Variants in OGDH observed in about 807,000 individuals in gnomAD.
The protein encoded by OGDH is oxoglutarate dehydrogenase, also known as 2-oxoglutarate dehydrogenase complex component E1.
OGDH carries 38 observed loss-of-function variants against 116.6 expected under a neutral mutation model. The ratio of observed to expected loss-of-function variants is 0.33; its 90% CI spans 0.25 to 0.43. The LOEUF (loss-of-function observed/expected upper bound fraction) is 0.43. OGDH is among the 20% of genes least tolerant of loss of function. The probability of loss-of-function intolerance (pLI) is 1.00; values close to 1 mark genes in which losing one functional copy is unlikely to be tolerated. For missense variants in OGDH, 825 were observed against 1,357.2 expected (o/e 0.61, Z 6.16); for synonymous variants, 488 against 533.3 (o/e 0.92, Z 1.17).
At chr7:44,668,998 A>G (rs1185226801) in intron 5 of OGDH, among the ~76,000 whole-genome samples, 1 of 152,020 alleles carries the variant, frequency 6.6e-6, no homozygotes, top group African/African-American at 2.4e-5. Flanking sequence ...CCTACCCCCA[A>G]GTTATTTCAC....
chr7:44,672,914 T>C (rs1787531154), intron 5 of OGDH, among the ~76,000 whole-genome samples: 3 of 152,100 alleles, frequency 2.0e-5, no homozygotes, highest in African/African-American at 7.2e-5. Context: ...GTGCTGGGAT[T>C]ACAGGCGTGA....
chr7:44,669,477 C>T (rs1252617946), intron 5 of OGDH, among the ~76,000 whole-genome samples: 4 of 150,408 alleles, frequency 2.7e-5, no homozygotes, highest in African/African-American at 9.8e-5. Flanking sequence ...TAAACATGCT[C>T]TCACATTGGA....
At chr7:44,706,713 C>T (rs970199724) in intron 20 of OGDH, among the ~76,000 whole-genome samples, 15 of 150,036 alleles carry the variant, frequency 1.0e-4, no homozygotes, top group African/African-American at 3.0e-4. Flanking sequence ...CTCTGCCTCC[C>T]GGGCCCAACC....
At chr7:44,660,770 A>G (rs529172838) in intron 4 of OGDH, among the ~76,000 whole-genome samples, 1 of 152,086 alleles carries the variant, frequency 6.6e-6, no homozygotes, top group Non-Finnish European at 1.5e-5. Context: ...ACCACCACCA[A>G]CAACAAAATT....
At chr7:44,701,650 A>G (rs1465905417) in intron 20 of OGDH, 35 bp downstream of exon 20, 1 of 1,591,222 alleles carries the variant, frequency 6.3e-7, no homozygotes, top group Non-Finnish European at 8.6e-7. Flanking sequence ...TCCTTGGGGG[A>G]AGCTATGTTT....
At chr7:44,680,551 C>CACACAG (rs1223695251) in intron 9 of OGDH, among the ~76,000 whole-genome samples, 141 of 127,306 alleles carry the variant, frequency 1.1e-3, no homozygotes, top group Non-Finnish European at 2.5e-3. Context: ...CACACACACA[C>CACACAG]ACACACACAC....
chr7:44,653,678 A>G (rs1786553642), intron 4 of OGDH, among the ~76,000 whole-genome samples: 1 of 151,528 alleles, frequency 6.6e-6, no homozygotes, highest in Admixed American at 6.6e-5. Context: ...GGCATGCGCC[A>G]CCACACCAGG....
Position 44,686,045 on chromosome 7 carries a change from T to C in OGDH, c.1335+4197T>C, listed in dbSNP as rs530142644. Among the ~76,000 whole-genome samples, 3 of 151,718 alleles carry C rather than the reference T, an allele frequency of 2.0e-5. No homozygotes were observed. The East Asian group carries it at 5.8e-4, about 29-fold the overall frequency. ...CTTATTAGTTCTAATTTTCTTTCTT[T>C]CTTTTTTTTTTTGAGGATTCTTTCT... On this transcript the variant is annotated intron_variant, in intron 10 of 22. Transcript: ENST00000222673.
In OGDH at chr7:44,707,186, C is replaced by A; in HGVS notation, c.2633-39C>A. 6.2e-7 allele frequency: 1 copy of A among 1,606,782 alleles called. No individual in the cohort carries two copies. Among genetic ancestry groups the A allele is most frequent in the Non-Finnish European group, 8.5e-7 (1 of 1,175,210 alleles). On this transcript the variant is annotated intron_variant, in intron 20 of 22. Coordinates refer to ENST00000222673, the MANE Select transcript of OGDH (RefSeq NM_002541.4). The surrounding 1 kb of genome is among the most constrained non-coding windows in gnomAD (Gnocchi z 5.2). ...GCCCAGGAGAGCTCTCAGCCACATA[C>A]CTGAGAGAACCAGCCTAGCCATGGG...
At chr7:44,699,920 G>C (rs570383339) in intron 18 of OGDH, among the ~76,000 whole-genome samples, 1 of 152,126 alleles carries the variant, frequency 6.6e-6, no homozygotes, top group Non-Finnish European at 1.5e-5. Flanking sequence ...ACCAGATCTC[G>C]TGTGAACTCA....
rs1387978364 is a variant in OGDH, at chr7:44,693,849, A to G, written c.1360A>G (p.Met454Val). Residue 454 changes from methionine to valine, a missense_variant, in exon 11 of 23, where the codon ATG becomes GTG. Around this residue, in one of 7 missense-constraint regions of OGDH, gnomAD observed 146 missense variants for 317.3 expected, o/e 0.46. Coordinates refer to ENST00000222673, the MANE Select transcript of OGDH (RefSeq NM_002541.4). ...GATCGGCTTCACCACCGACCCTCGG[A>G]TGGCCCGCTCCTCCCCCTACCCCAC... ...NQIGFTTDPR[M>V]ARSSPYPTDV... 1.9e-6 allele frequency: 3 copies of G among 1,602,202 alleles called. No individual in the cohort carries two copies. Among genetic ancestry groups the G allele is most frequent in the South Asian group, 2.2e-5 (2 of 90,370 alleles).
rs372410312 is a variant in OGDH, at chr7:44,676,612, GTGTATATA to G, written c.1206+465_1206+472del. 6.7e-3 allele frequency: 745 copies of G among 111,484 alleles called. 10 individuals carry two copies. Among genetic ancestry groups the G allele is most frequent in the African/African-American group, 0.056 (680 of 12,088 alleles). 6.9% of individuals were successfully genotyped at this position (111,484 alleles called of 1,614,324 possible). A position where few individuals can be genotyped will look rare whatever the true frequency, so the allele number is the denominator to read the frequency against. ...TGTATATGTATGTATGTGTGTGTGT[GTGTATATA>G]TATATATATATATATATATATTTAA... is the stretch of plus-strand genomic sequence containing the variant. On this transcript the variant is annotated intron_variant, in intron 9 of 22. Transcript: ENST00000222673.
intron 4 of OGDH, among the ~76,000 whole-genome samples, chr7:44,666,125 T>C (rs1478010303): frequency 5.3e-5 from 8 of 152,156 alleles, no homozygotes; most frequent in Non-Finnish European, 1.0e-4. Context: ...AAGACGATGG[T>C]CCTTAATCCA....
intron 4 of OGDH, among the ~76,000 whole-genome samples, chr7:44,663,201 A>G (rs1389367997): frequency 6.6e-6 from 1 of 152,184 alleles, no homozygotes; most frequent in Non-Finnish European, 1.5e-5. Flanking sequence ...CCATTCTGCC[A>G]TTGAGCCTAT....
rs367814458 is a variant in OGDH at position 44,707,128 on chromosome 7, G to A, written c.2633-97G>A. The A allele has an allele frequency of 4.7e-5, 61 of 1,306,602 alleles. No individual in the cohort carries two copies. Among genetic ancestry groups the A allele is most frequent in the South Asian group, 1.4e-4 (10 of 72,860 alleles). The allele number at this position is 1,306,602 out of a possible 1,614,324, so 80.9% of individuals were successfully genotyped here. A position where few individuals can be genotyped will look rare whatever the true frequency, so the allele number is the denominator to read the frequency against. On this transcript the variant is annotated intron_variant, in intron 20 of 22. Coordinates refer to ENST00000222673, the MANE Select transcript of OGDH (RefSeq NM_002541.4). This position sits in a 1 kb window ranked among gnomAD's most constrained non-coding sequence, Gnocchi z 5.2. ...AGCATCTCTAACCCTTGAAAGCTGCGTCTCCTGGCAGCAGTCCCTGGCACA... is the reference window on the plus strand; with the variant it reads ...AGCATCTCTAACCCTTGAAAGCTGCATCTCCTGGCAGCAGTCCCTGGCACA...
chr7:44,610,115 C>T (rs2117203843), intron 1 of OGDH, among the ~76,000 whole-genome samples: 1 of 152,102 alleles, frequency 6.6e-6, no homozygotes, highest in South Asian at 2.1e-4. Flanking sequence ...ATGCCTGGCC[C>T]CTGTATACTC....
At chr7:44,703,450 T>C (rs1585402976) in intron 20 of OGDH, among the ~76,000 whole-genome samples, 1 of 151,640 alleles carries the variant, frequency 6.6e-6, no homozygotes, top group Non-Finnish European at 1.5e-5. Flanking sequence ...CTGGGCCCAG[T>C]GGCTTACACC....
chr7:44,651,816 C>T (rs968504209), intron 4 of OGDH, among the ~76,000 whole-genome samples: 14 of 152,044 alleles, frequency 9.2e-5, no homozygotes, highest in African/African-American at 2.9e-4. Context: ...CTGCCTTGGC[C>T]TCCCAAAGTG....
chr7:44,681,816 C>A lies in OGDH; in HGVS notation c.1303C>A (p.His435Asn). ...HLSDLPSYTT[H>N]GTVHVVVNNQ... is the part of the protein sequence containing the mutation. ...CAGCGACCTGCCATCCTACACAACTCATGGCACCGTGCACGTGGTCGTCAA... is the reference window on the plus strand; with the variant it reads ...CAGCGACCTGCCATCCTACACAACTAATGGCACCGTGCACGTGGTCGTCAA... Residue 435 changes from histidine (H) to asparagine (N), a missense_variant, in exon 10 of 23, where the codon CAT becomes AAT. Transcript: ENST00000222673. 1 of 1,614,178 alleles carries A rather than the reference C, an allele frequency of 6.2e-7. No homozygotes were observed. The highest frequency in any genetic ancestry group is 8.5e-7 in the Non-Finnish European group (1 of 1,180,018).
Sources: gnomAD v4.1 joint callset for allele counts (sites outside exome capture counted in the v4.1 genomes callset) on GRCh38, gnomAD v4.1.1 for gene constraint, gnomAD v4.1.1 regional missense constraint, Gnocchi (gnomAD v3.1) non-coding constraint, MANE v1.5 for transcripts, NCBI Gene and HGNC (gene_info 2026-07-23, HGNC 2026-07-21) for gene names.